The following DET1 variants were observed in gnomAD, a reference collection of about 807,000 sequenced individuals.
The protein encoded by DET1 is DET1 partner of COP1 E3 ubiquitin ligase.
DET1 carries 22 observed loss-of-function variants against 43.7 expected under a neutral mutation model. That is an observed-to-expected ratio of 0.50 (90% confidence interval 0.36 to 0.72). The LOEUF (loss-of-function observed/expected upper bound fraction) is 0.72, where lower values mean the gene tolerates loss of function less well. Ranked by LOEUF, DET1 falls within the 30% of genes least tolerant of loss-of-function variation. The pLI is 0.00. For synonymous variants in DET1, 315 were observed against 266.2 expected (o/e 1.18, Z -1.79); for missense variants, 713 against 713.3 (o/e 1.00, Z 0.00).
rs187843404 is a variant in DET1 at position 88,512,529 on chromosome 15, G to A, written c.*422C>T. On this transcript the variant is annotated 3_prime_UTR_variant, in exon 5 of 5. Transcript: ENST00000268148. ...TTATTTTTCTCTTAAAAAGATAGCCGTGCTTATGAGCTAAATGGAAAGGAT... is the reference window on the plus strand; with the variant it reads ...TTATTTTTCTCTTAAAAAGATAGCCATGCTTATGAGCTAAATGGAAAGGAT... 265 of 989,214 alleles carry A rather than the reference G, an allele frequency of 2.7e-4. 1 individual carries two copies. In the African/African-American group the frequency reaches 3.8e-3, roughly 14 times the overall value. The allele number at this position is 989,214 out of a possible 1,614,324, so 61.3% of individuals were successfully genotyped here. A position where few individuals can be genotyped will look rare whatever the true frequency, so the allele number is the denominator to read the frequency against.
chr15:88,541,185 A>T (rs1368972806), intron 1 of DET1, among the ~76,000 whole-genome samples: 25 of 136,042 alleles, frequency 1.8e-4, no homozygotes, highest in African/African-American at 6.9e-4. Context: ...AAGCATTGAG[A>T]TGTTTATGTG....
chr15:88,514,956 T>C (rs2056300063), intron 4 of DET1, among the ~76,000 whole-genome samples: 1 of 152,288 alleles, frequency 6.6e-6, no homozygotes, highest in African/African-American at 2.4e-5. Context: ...TATCTCATGG[T>C]ACTTGACTCA....
intron 1 of DET1, among the ~76,000 whole-genome samples, chr15:88,545,271 C>A (rs2057220982): frequency 6.6e-6 from 1 of 152,076 alleles, no homozygotes; most frequent in Non-Finnish European, 1.5e-5. Flanking sequence ...GTTCACCATC[C>A]AAAATAAATA....
intron 3 of DET1, among the ~76,000 whole-genome samples, chr15:88,519,467 G>A (rs1221841833): frequency 6.6e-6 from 1 of 151,778 alleles, no homozygotes; most frequent in Non-Finnish European, 1.5e-5. Context: ...CTAGTCACAG[G>A]GTAGACCGTC....
chr15:88,532,165 T>A (rs1481532124), intron 1 of DET1, among the ~76,000 whole-genome samples: 2 of 152,126 alleles, frequency 1.3e-5, no homozygotes, highest in Non-Finnish European at 2.9e-5. Context: ...TAGCTAGGCA[T>A]GGTGGCACAT....
chr15:88,517,636 G>C (rs971607477), intron 3 of DET1, among the ~76,000 whole-genome samples: 9 of 152,150 alleles, frequency 5.9e-5, no homozygotes, highest in African/African-American at 1.9e-4. Flanking sequence ...GGGGAAAAAG[G>C]TCAAGAACTT....
Position 88,523,804 on chromosome 15 carries a change from A to G in DET1, c.1271+3795T>C, listed in dbSNP as rs1420526568. 1.3e-5 allele frequency among the ~76,000 whole-genome samples: 2 copies of G among 152,120 alleles called. 1 individual carries two copies. The highest frequency in any genetic ancestry group is 2.9e-5 in the Non-Finnish European group (2 of 68,022). On this transcript the variant is annotated intron_variant, in intron 3 of 4. Coordinates refer to ENST00000268148, the MANE Select transcript of DET1 (RefSeq NM_001144074.3). ...CCGCTCGCTACAACCTCCACCTCCCAGCCGCCTGCCTTGGCCTCCCAAAGT... is the reference window on the plus strand; with the variant it reads ...CCGCTCGCTACAACCTCCACCTCCCGGCCGCCTGCCTTGGCCTCCCAAAGT...
Position 88,527,580 on chromosome 15 carries a change from G to A in DET1, c.1271+19C>T, listed in dbSNP as rs761883032. On this transcript the variant is annotated intron_variant, in intron 3 of 4. Coordinates refer to ENST00000268148, the MANE Select transcript of DET1 (RefSeq NM_001144074.3). The stretch of plus-strand genomic sequence containing the variant: ...ATTTTTCTAAAGAAAAGACTGTTGA[G>A]TCTGGTGGAACAGCTTACCGGCGCT... 6.4e-5 allele frequency: 101 copies of A among 1,569,786 alleles called. No individual in the cohort carries two copies. The highest frequency in any genetic ancestry group is 8.0e-5 in the Non-Finnish European group (93 of 1,156,632).
intron 1 of DET1, among the ~76,000 whole-genome samples, chr15:88,542,111 T>C (rs1049101121): frequency 3.3e-5 from 5 of 152,318 alleles, no homozygotes; most frequent in African/African-American, 1.2e-4. Flanking sequence ...ATGGAGTCCA[T>C]GCTCCAGACC....
chr15:88,541,821 G>C (rs552769325), intron 1 of DET1, among the ~76,000 whole-genome samples: 1 of 152,102 alleles, frequency 6.6e-6, no homozygotes, highest in African/African-American at 2.4e-5. Flanking sequence ...TCGACCCTCA[G>C]CCAGTTCGGC....
downstream of DET1, chr15:88,511,394 C>A: frequency 1.0e-6 from 1 of 985,328 alleles, no homozygotes; most frequent in Non-Finnish European, 1.2e-6. Flanking sequence ...CCATCTCCCT[C>A]ACCCCAGTGT....
chr15:88,518,007 G>A (rs184828758), intron 3 of DET1, among the ~76,000 whole-genome samples: 41 of 152,142 alleles, frequency 2.7e-4, no homozygotes, highest in African/African-American at 9.2e-4. Flanking sequence ...CACAACCCCA[G>A]CTTACTGCAA....
rs538303364 is a variant in DET1, at chr15:88,530,814, G to T, written c.892C>A (p.Arg298=). The T allele has an allele frequency of 1.2e-6, 2 of 1,613,934 alleles. No homozygotes were observed. Among genetic ancestry groups the T allele is most frequent in the East Asian group, 2.2e-5 (1 of 44,878 alleles). The change falls in exon 2 of 5, where the codon CGG becomes AGG. Residue 298 remains arginine (R), a synonymous_variant. Coordinates refer to ENST00000268148, the MANE Select transcript of DET1 (RefSeq NM_001144074.3). ...RDPFINSLKH[R]LLVYLWRRAE... is the part of the protein sequence containing the mutation. ...CGGCGCCACAAATATACCAGCAACC[G>T]GTGTTTGAGGGAATTGATGAAAGGA...
At position 88,516,252 on chromosome 15, in the gene DET1, C is replaced by G. The variant is rs951313967; in HGVS notation, c.1463+530G>C. 6.6e-6 allele frequency among the ~76,000 whole-genome samples: 1 copy of G among 152,204 alleles called. No individual in the cohort carries two copies. The highest frequency in any genetic ancestry group is 2.4e-5 in the African/African-American group (1 of 41,440). ...ATGTAGTGACAGTTGGGTCTGTGAA[C>G]TAGACTTCTGTGAGGAAAGAATTTC... On this transcript the variant is annotated intron_variant, in intron 4 of 4. Coordinates refer to ENST00000268148, the MANE Select transcript of DET1 (RefSeq NM_001144074.3). The surrounding 1 kb of genome is among the most constrained non-coding windows in gnomAD (Gnocchi z 4.4).
intron 1 of DET1, among the ~76,000 whole-genome samples, chr15:88,544,366 C>T (rs994674601): frequency 1.3e-5 from 2 of 152,174 alleles, no homozygotes; most frequent in Non-Finnish European, 2.9e-5. Context: ...TAGGTTCTCA[C>T]CTTTTAAAAT....
chr15:88,514,020 C>G (rs1302754873), intron 4 of DET1, among the ~76,000 whole-genome samples: 1 of 149,534 alleles, frequency 6.7e-6, no homozygotes, highest in Non-Finnish European at 1.5e-5. Flanking sequence ...AGGATGGTCT[C>G]GATCTCCTGA....
downstream of DET1, among the ~76,000 whole-genome samples, chr15:88,510,776 T>G (rs1192020300): frequency 6.6e-6 from 1 of 150,512 alleles, no homozygotes; most frequent in Non-Finnish European, 1.5e-5. Context: ...TTTTTGTTTT[T>G]TTTTTTTTGA....
At chr15:88,530,506 A>G (rs2056781356) in intron 2 of DET1, 117 bp downstream of exon 2, 2 of 1,474,202 alleles carry the variant, frequency 1.4e-6, no homozygotes, top group Non-Finnish European at 1.8e-6. Context: ...GCCCTAGGAT[A>G]TCAATTCAGA....
chr15:88,508,463 A>G (rs949138621), downstream of DET1, among the ~76,000 whole-genome samples: 9 of 152,226 alleles, frequency 5.9e-5, no homozygotes, highest in African/African-American at 1.9e-4. Context: ...GCTGAAAGCA[A>G]CTTAATAGAT....
Sources: gnomAD v4.1 joint callset for allele counts (sites outside exome capture counted in the v4.1 genomes callset) on GRCh38, gnomAD v4.1.1 for gene constraint, Gnocchi (gnomAD v3.1) non-coding constraint, MANE v1.5 for transcripts, NCBI Gene and HGNC (gene_info 2026-07-23, HGNC 2026-07-21) for gene names.